RABL3: variants seen among roughly 807,000 people sequenced by gnomAD.
RABL3 encodes RAB, member of RAS oncogene family like 3.
A neutral mutation model predicts 31.8 loss-of-function variants in RABL3; 31 were observed. That is an observed-to-expected ratio of 0.97 (90% confidence interval 0.73 to 1.31). The LOEUF is 1.31. Ranked by LOEUF, RABL3 falls within the 40% of genes most tolerant of loss-of-function variation. The pLI is 0.00. For missense variants in RABL3, 263 were observed against 279.6 expected (o/e 0.94, Z 0.42); for synonymous variants, 97 against 99.9 (o/e 0.97, Z 0.18).
chr3:120,728,077 A>G (rs192014711), intron 2 of RABL3, among the ~76,000 whole-genome samples: 3 of 152,328 alleles, frequency 2.0e-5, no homozygotes, highest in African/African-American at 7.2e-5. Flanking sequence ...AGTTTCAGCT[A>G]ATTCAATAAG....
At chr3:120,737,342 C>T (rs936453868) in intron 1 of RABL3, among the ~76,000 whole-genome samples, 4 of 152,186 alleles carry the variant, frequency 2.6e-5, no homozygotes, top group Non-Finnish European at 5.9e-5. Context: ...TGCATCATCA[C>T]GTAGTTCTTG....
chr3:120,705,325 G>A (rs1489062759), intron 4 of RABL3, among the ~76,000 whole-genome samples: 1 of 152,006 alleles, frequency 6.6e-6, no homozygotes, highest in Non-Finnish European at 1.5e-5. Context: ...AAATTCATGT[G>A]GAAAAACAAA....
chr3:120,691,031 T>A (rs910505922), intron 6 of RABL3, among the ~76,000 whole-genome samples: 2 of 152,190 alleles, frequency 1.3e-5, no homozygotes, highest in South Asian at 2.1e-4. Flanking sequence ...TACTTTTTTT[T>A]AACTAACTGC....
At chr3:120,692,164 G>C (rs1559810128) in intron 6 of RABL3, among the ~76,000 whole-genome samples, 2 of 152,092 alleles carry the variant, frequency 1.3e-5, no homozygotes, top group African/African-American at 4.8e-5. Flanking sequence ...AAAGAGGCTG[G>C]AGAAGGAGTT....
At chr3:120,711,706 C>T (rs1247316782) in intron 2 of RABL3, among the ~76,000 whole-genome samples, 1 of 152,114 alleles carries the variant, frequency 6.6e-6, no homozygotes, top group African/African-American at 2.4e-5. Context: ...TTAAAGTATG[C>T]TGGTTCATGA....
At chr3:120,703,135 T>A (rs1708512537) in intron 4 of RABL3, among the ~76,000 whole-genome samples, 1 of 152,162 alleles carries the variant, frequency 6.6e-6, no homozygotes. Flanking sequence ...ATGGATTTGA[T>A]CCTACTTAGT....
intron 2 of RABL3, among the ~76,000 whole-genome samples, chr3:120,719,646 T>C (rs1708713169): frequency 6.6e-6 from 1 of 152,126 alleles, no homozygotes; most frequent in Admixed American, 6.5e-5. Flanking sequence ...GCAGCCAGGC[T>C]GGGGGAGGGG....
chr3:120,705,834 T>G (rs1330151313), intron 4 of RABL3, among the ~76,000 whole-genome samples, 166 bp downstream of exon 4: 1 of 152,144 alleles, frequency 6.6e-6, no homozygotes, highest in East Asian at 1.9e-4. Context: ...TCAGACTTCA[T>G]CAAAATGAAA....
intron 3 of RABL3, among the ~76,000 whole-genome samples, chr3:120,708,772 G>A (rs1044867916): frequency 2.1e-5 from 3 of 140,924 alleles, no homozygotes; most frequent in African/African-American, 7.9e-5. Flanking sequence ...TGAATGCTTT[G>A]TTTCTTTATT....
At chr3:120,721,239 G>T (rs1010305836) in intron 2 of RABL3, among the ~76,000 whole-genome samples, 5 of 152,168 alleles carry the variant, frequency 3.3e-5, no homozygotes, top group African/African-American at 1.2e-4. Context: ...ACATGCCAAA[G>T]CGTAAAGACC....
chr3:120,736,045 A>G (rs1017015539), intron 1 of RABL3, among the ~76,000 whole-genome samples: 1 of 152,188 alleles, frequency 6.6e-6, no homozygotes, highest in African/African-American at 2.4e-5. Context: ...AGAGTTCTGT[A>G]GAGGTCTATT....
chr3:120,732,571 TTTA>T (rs931843043), intron 1 of RABL3, among the ~76,000 whole-genome samples: 8 of 152,174 alleles, frequency 5.3e-5, no homozygotes, highest in African/African-American at 1.4e-4. Context: ...ATTTGTTTAT[TTTA>T]TTATTATACT....
chr3:120,731,414 T>C (rs1313411291), intron 1 of RABL3, among the ~76,000 whole-genome samples: 1 of 152,086 alleles, frequency 6.6e-6, no homozygotes, highest in Non-Finnish European at 1.5e-5. Flanking sequence ...AGACTTACCT[T>C]TTGGAAAAAA....
chr3:120,687,511 A>G lies in RABL3; in HGVS notation c.*2312T>C, dbSNP rs1708325017. 1 of 152,240 alleles carries G rather than the reference A, an allele frequency of 6.6e-6. No individual in the cohort carries two copies. The highest frequency in any genetic ancestry group is 1.5e-5 in the Non-Finnish European group (1 of 68,042). 9.4% of individuals were successfully genotyped at this position (152,240 alleles called of 1,614,324 possible). On this transcript the variant is annotated 3_prime_UTR_variant, in exon 8 of 8. Transcript: ENST00000273375. Reference sequence around the variant, plus strand: ...TTATTATCTAAAAGCATTTTTATGAATAGTTCTCAAGAAGTCCTAGCAAAA... The same window carrying G: ...TTATTATCTAAAAGCATTTTTATGAGTAGTTCTCAAGAAGTCCTAGCAAAA...
intron 7 of RABL3, 109 bp from the exon 8 acceptor site, chr3:120,689,997 A>G (rs1281479636): frequency 1.2e-6 from 1 of 814,822 alleles, no homozygotes; most frequent in Non-Finnish European, 2.0e-6. Context: ...GCTGTTTCTT[A>G]AAAAAACAAC....
chr3:120,706,868 C>T (rs528826216), intron 3 of RABL3, among the ~76,000 whole-genome samples: 8 of 151,844 alleles, frequency 5.3e-5, no homozygotes, highest in Admixed American at 3.3e-4. Flanking sequence ...CAAAATGTAA[C>T]GAGGCCCAGA....
At chr3:120,719,068 A>C (rs928376480) in intron 2 of RABL3, among the ~76,000 whole-genome samples, 1 of 152,216 alleles carries the variant, frequency 6.6e-6, no homozygotes, top group Non-Finnish European at 1.5e-5. Flanking sequence ...AAAACAGACC[A>C]AAAAAACCCA....
chr3:120,725,407 G>C (rs1708805954), intron 2 of RABL3, among the ~76,000 whole-genome samples: 1 of 152,180 alleles, frequency 6.6e-6, no homozygotes, highest in Admixed American at 6.5e-5. Context: ...CAGGGATCTA[G>C]AACTAGAAAT....
chr3:120,738,100 C>T lies in RABL3; in HGVS notation c.46+4362G>A, dbSNP rs114326717. ...AGGTTTCAGGCTATGCCCTGCCCTC[C>T]GAGGTGGAGTCTACAGAGGCACACA... On this transcript the variant is annotated intron_variant, in intron 1 of 7. Coordinates refer to ENST00000273375, the MANE Select transcript of RABL3 (RefSeq NM_173825.5). Among the ~76,000 whole-genome samples the T allele has an allele frequency of 5.9e-3, 904 of 152,298 alleles. 11 individuals are homozygous for T. Among genetic ancestry groups the T allele is most frequent in the African/African-American group, 0.02 (813 of 41,564 alleles).
Sources: allele counts gnomAD v4.1 joint callset (sites outside exome capture counted in the v4.1 genomes callset), GRCh38; gene constraint gnomAD v4.1.1; transcripts MANE v1.5; gene names NCBI Gene and HGNC (gene_info 2026-07-23, HGNC 2026-07-21).